Variants in DHRS4L2 observed in about 807,000 individuals in gnomAD.
DHRS4L2 encodes the protein dehydrogenase/reductase SDR family member 4-like 2.
In DHRS4L2, 22 loss-of-function variants were observed where a neutral mutation model predicts 23.9. The observed-to-expected ratio is 0.92, with a 90% CI of 0.66 to 1.31. The LOEUF (loss-of-function observed/expected upper bound fraction) is 1.31, where lower values mean the gene tolerates loss of function less well. DHRS4L2 is among the 40% of genes most tolerant of loss of function. The pLI is 0.00. For missense variants in DHRS4L2, 385 were observed against 303.3 expected, an observed-to-expected ratio of 1.27 and a Z score of -2.00; for synonymous variants, 141 against 123.7, an observed-to-expected ratio of 1.14 and a Z score of -0.93.
chr14:23,990,966 G>A (rs2034257255), intron 2 of DHRS4L2: 1 of 836,808 alleles, frequency 1.2e-6, no homozygotes, highest in Non-Finnish European at 1.4e-6. Flanking sequence ...CTGGACTTCA[G>A]TCTCAAAGAA....
chr14:23,985,154 G>A (rs1192668092), upstream of DHRS4L2, among the ~76,000 whole-genome samples: 3 of 151,504 alleles, frequency 2.0e-5, no homozygotes, highest in East Asian at 1.9e-4. Flanking sequence ...GTGCAGAAGC[G>A]AGTTTGCCCA....
chr14:24,005,567 T>A (rs1388932259), intron 7 of DHRS4L2, among the ~76,000 whole-genome samples: 1 of 152,122 alleles, frequency 6.6e-6, no homozygotes, highest in African/African-American at 2.4e-5. Flanking sequence ...ACCATTTTTT[T>A]GAAGTATGAA....
At chr14:23,969,948 C>T (rs1034077201) in exon 1 of DHRS4L2, 3 of 452,910 alleles carry the variant, frequency 6.6e-6, no homozygotes, top group Admixed American at 2.4e-5. Flanking sequence ...GGGGCGCTCA[C>T]GCAACCGCCA....
intron 1 of DHRS4L2, among the ~76,000 whole-genome samples, chr14:23,981,114 G>C (rs1383921649): frequency 6.6e-6 from 1 of 151,708 alleles, no homozygotes; most frequent in Non-Finnish European, 1.5e-5. Context: ...CAAAGTCTCA[G>C]GATACAAAAT....
intron 1 of DHRS4L2, among the ~76,000 whole-genome samples, chr14:23,977,535 A>G (rs2033990457): frequency 1.3e-5 from 2 of 148,748 alleles, no homozygotes; most frequent in Admixed American, 1.3e-4. Context: ...GGAAAAATTC[A>G]TCAAAACTGC....
At position 23,983,571 on chromosome 14, in the gene DHRS4L2, C is replaced by T. The variant is rs536575101; in HGVS notation, c.-175-6611C>T. Among the ~76,000 whole-genome samples the T allele has an allele frequency of 6.5e-4, 99 of 151,744 alleles. 3 individuals carry two copies. Among genetic ancestry groups the T allele is most frequent in the African/African-American group, 2.3e-3 (94 of 41,402 alleles). ...ATTATAAATCATTCTACTATAAAGA[C>T]ACATGCACACATATGCTTATTGCAG... On this transcript the variant is annotated intron_variant, in intron 1 of 5. Transcript: ENST00000534993.
chr14:23,973,334 T>G (rs1365652236), intron 1 of DHRS4L2, among the ~76,000 whole-genome samples: 1 of 151,944 alleles, frequency 6.6e-6, no homozygotes, highest in Non-Finnish European at 1.5e-5. Context: ...CTGCAAGTGC[T>G]GCGCACAGCC....
intron 1 of DHRS4L2, among the ~76,000 whole-genome samples, chr14:23,977,030 C>T (rs1225332142): frequency 1.3e-5 from 2 of 151,696 alleles, no homozygotes; most frequent in Non-Finnish European, 2.9e-5. Flanking sequence ...ATCCAGCAAA[C>T]CAACCTGATA....
chr14:23,988,576 A>G (rs966021443), upstream of DHRS4L2, among the ~76,000 whole-genome samples: 1 of 151,368 alleles, frequency 6.6e-6, no homozygotes, highest in Non-Finnish European at 1.5e-5. Context: ...GAAGAAGCAA[A>G]AGCAACCAAC....
intron 1 of DHRS4L2, among the ~76,000 whole-genome samples, chr14:23,982,492 T>A (rs571828283): frequency 6.6e-6 from 1 of 151,548 alleles, no homozygotes; most frequent in South Asian, 2.1e-4. Flanking sequence ...TCCCTACATA[T>A]AGCCAAGACA....
intron 3 of DHRS4L2, among the ~76,000 whole-genome samples, chr14:23,997,883 T>C (rs975000971): frequency 6.6e-6 from 1 of 151,860 alleles, no homozygotes; most frequent in African/African-American, 2.4e-5. Context: ...TCTAAAATGG[T>C]GCATCCTTTA....
At chr14:23,992,676 T>A (rs2034293412) in intron 2 of DHRS4L2, among the ~76,000 whole-genome samples, 1 of 151,390 alleles carries the variant, frequency 6.6e-6, no homozygotes, top group African/African-American at 2.4e-5. Context: ...AGAATAAGAC[T>A]TAGAAGACTT....
At chr14:23,986,343 C>T (rs148843815), upstream of DHRS4L2, among the ~76,000 whole-genome samples, 663 of 151,312 alleles carry the variant, frequency 4.4e-3, 13 homozygotes, top group African/African-American at 0.016. Flanking sequence ...GAACATCACA[C>T]ACTGGGGCCT....
intron 2 of DHRS4L2, among the ~76,000 whole-genome samples, chr14:23,991,568 A>G (rs1370192729): frequency 1.3e-5 from 2 of 151,712 alleles, no homozygotes; most frequent in African/African-American, 4.8e-5. Flanking sequence ...GGGAATGGAC[A>G]GATGGAATAG....
chr14:23,987,543 G>T (rs1486504116), upstream of DHRS4L2, among the ~76,000 whole-genome samples: 1 of 151,586 alleles, frequency 6.6e-6, no homozygotes, highest in African/African-American at 2.4e-5. Context: ...CACAAACCAG[G>T]ATTCTTTCCC....
At chr14:23,974,052 C>T (rs533837424) in intron 1 of DHRS4L2, among the ~76,000 whole-genome samples, 39 of 151,870 alleles carry the variant, frequency 2.6e-4, no homozygotes, top group African/African-American at 9.4e-4. Context: ...AACTGTCTCC[C>T]AGACCACAGT....
intron 3 of DHRS4L2, among the ~76,000 whole-genome samples, chr14:23,999,379 A>T (rs1265635211): frequency 1.4e-5 from 2 of 143,624 alleles, no homozygotes; most frequent in Non-Finnish European, 3.0e-5. Context: ...AAAAAACAAT[A>T]TCTGCAAAGC....
chr14:23,973,048 A>T (rs2138503296), intron 1 of DHRS4L2, among the ~76,000 whole-genome samples: 1 of 151,992 alleles, frequency 6.6e-6, no homozygotes, highest in East Asian at 1.9e-4. Context: ...ATTTATACCG[A>T]GACATTTAGT....
At chr14:23,975,020 A>G (rs1364365752) in intron 1 of DHRS4L2, among the ~76,000 whole-genome samples, 3 of 151,808 alleles carry the variant, frequency 2.0e-5, no homozygotes, top group Non-Finnish European at 4.4e-5. Context: ...TGGCAAACCG[A>G]ATCCAGCATA....
Sources: gnomAD v4.1 joint callset for allele counts (sites outside exome capture counted in the v4.1 genomes callset) on GRCh38, gnomAD v4.1.1 for gene constraint, MANE v1.5 for transcripts, NCBI Gene and HGNC (gene_info 2026-07-23, HGNC 2026-07-21) for gene names.